Variants in SLCO1B3 observed in about 807,000 individuals in gnomAD.
SLCO1B3 encodes the protein solute carrier organic anion transporter family member 1B3.
In SLCO1B3, 72 loss-of-function variants were observed where a neutral mutation model predicts 71.8. The ratio of observed to expected loss-of-function variants is 1.00; its 90% CI spans 0.83 to 1.22. SLCO1B3 has a LOEUF of 1.22. SLCO1B3 is among the 50% of genes most tolerant of loss of function. The probability of loss-of-function intolerance (pLI) is 0.00; values close to 1 mark genes in which losing one functional copy is unlikely to be tolerated. For synonymous variants in SLCO1B3, 298 were observed against 278.4 expected (o/e 1.07, Z -0.70); for missense variants, 911 against 819.7 (o/e 1.11, Z -1.36).
chr12:20,876,795 A>G (rs1865588496), intron 9 of SLCO1B3, among the ~76,000 whole-genome samples: 1 of 152,034 alleles, frequency 6.6e-6, no homozygotes, highest in Non-Finnish European at 1.5e-5. Flanking sequence ...TATTTTGTCT[A>G]TGCTATGTTT....
chr12:20,816,730 G>A (rs565418158), intron 3 of SLCO1B3, among the ~76,000 whole-genome samples: 2 of 152,280 alleles, frequency 1.3e-5, no homozygotes, highest in Admixed American at 6.5e-5. Flanking sequence ...GGGATTGCTG[G>A]ATCACGTGGT....
chr12:20,854,265 GGTT>G (rs1050014759), intron 3 of SLCO1B3, among the ~76,000 whole-genome samples: 7 of 151,718 alleles, frequency 4.6e-5, no homozygotes, highest in African/African-American at 1.7e-4. Flanking sequence ...TAGTCTCCCT[GGTT>G]GTTCTGTATA....
chr12:20,815,800 C>T lies in SLCO1B3; in HGVS notation c.62C>T (p.Thr21Ile). 3 of 1,593,192 alleles carry T rather than the reference C, an allele frequency of 1.9e-6. No homozygotes were observed. The highest frequency in any genetic ancestry group is 2.6e-6 in the Non-Finnish European group (3 of 1,168,024). ...TCAGCATCTTCAGAGAAAAAGAAAA[C>T]AAGACGCTGCAATGGATTCAAGGTA... The part of the protein sequence containing the change: ...AESASSEKKK[T>I]RRCNGFKMFL... The change falls in exon 3 of 16, where the codon ACA becomes ATA. Residue 21 changes from threonine to isoleucine, a missense_variant. Thr to Ile is a moderately conservative substitution (Grantham distance 89). Coordinates refer to ENST00000381545, the MANE Select transcript of SLCO1B3 (RefSeq NM_019844.4).
At chr12:20,871,769 A>C (rs1205685744) in intron 8 of SLCO1B3, among the ~76,000 whole-genome samples, 1 of 152,118 alleles carries the variant, frequency 6.6e-6, no homozygotes, top group Non-Finnish European at 1.5e-5. Context: ...CTGGGGGTTC[A>C]CTGATGCAAG....
chr12:20,826,730 C>G (rs949869942), intron 3 of SLCO1B3, among the ~76,000 whole-genome samples: 1 of 151,414 alleles, frequency 6.6e-6, no homozygotes, highest in Non-Finnish European at 1.5e-5. Context: ...AAATTATTTT[C>G]CCTTCAGCTT....
At chr12:20,914,017 G>GC (rs988500915) in intron 15 of SLCO1B3, among the ~76,000 whole-genome samples, 2 of 151,994 alleles carry the variant, frequency 1.3e-5, no homozygotes, top group African/African-American at 2.4e-5. Context: ...TCCCATCTTG[G>GC]CCCCCCAGAG....
intron 15 of SLCO1B3, chr12:20,901,838 G>T (rs1866139396): frequency 2.4e-6 from 1 of 415,200 alleles, no homozygotes; most frequent in Non-Finnish European, 4.7e-6. Context: ...CTGCAGCTCT[G>T]GTTATATGGT....
rs187134788 is a variant in SLCO1B3, at chr12:20,867,204, C to T, written c.727+4350C>T. Among the ~76,000 whole-genome samples the T allele has an allele frequency of 1.8e-3, 277 of 152,006 alleles. 2 individuals are homozygous for T. Among genetic ancestry groups the T allele is most frequent in the African/African-American group, 6.4e-3 (266 of 41,478 alleles). On this transcript the variant is annotated intron_variant, in intron 8 of 15. Transcript: ENST00000381545. ...ATTTAAGGCTCATTATACATGTTAC[C>T]CTATAGAAAGGATTGTAAATACTGT...
intron 11 of SLCO1B3, 60 bp downstream of exon 11, chr12:20,879,691 G>A: frequency 5.3e-6 from 6 of 1,126,370 alleles, no homozygotes; most frequent in Admixed American, 2.7e-5. Context: ...AAAAGATTAT[G>A]TGCAAGTAAA....
chr12:20,858,376 T>G (rs4149116), intron 4 of SLCO1B3, 63 bp from the exon 5 acceptor site: 8 of 1,213,508 alleles, frequency 6.6e-6, no homozygotes, highest in Non-Finnish European at 9.5e-6. Flanking sequence ...ATTTGGGGCA[T>G]TCAGTTCTAC....
intron 3 of SLCO1B3, among the ~76,000 whole-genome samples, chr12:20,838,748 T>G (rs1325750874): frequency 1.3e-5 from 2 of 152,130 alleles, no homozygotes; most frequent in Non-Finnish European, 2.9e-5. Flanking sequence ...GGGACCACTA[T>G]CATATATGCA....
intron 13 of SLCO1B3, among the ~76,000 whole-genome samples, chr12:20,895,581 C>G (rs756575956): frequency 7.9e-5 from 12 of 152,128 alleles, no homozygotes; most frequent in Non-Finnish European, 1.8e-4. Context: ...TTGGGCAGCT[C>G]TATCCCTGTG....
rs779041069 is a variant in SLCO1B3, at chr12:20,862,824, A to C, written c.697A>C (p.Met233Leu). 2.1e-5 allele frequency: 33 copies of C among 1,607,078 alleles called. No homozygotes were observed. The highest frequency in any genetic ancestry group is 2.7e-5 in the Non-Finnish European group (32 of 1,173,758). The part of the protein sequence containing the change: ...GFALGSLFAK[M>L]YVDIGYVDLS... ...TGCACTGGGATCTCTGTTTGCTAAA[A>C]TGTACGTGGATATTGGATATGTAGA... is the stretch of plus-strand genomic sequence containing the variant. The change falls in exon 8 of 16, where the codon ATG (methionine) becomes CTG (leucine). Residue 233 changes from methionine to leucine, a missense_variant. Transcript: ENST00000381545.
chr12:20,822,383 G>T (rs962073089), intron 3 of SLCO1B3, among the ~76,000 whole-genome samples: 22 of 152,222 alleles, frequency 1.4e-4, no homozygotes, highest in Admixed American at 5.9e-4. Flanking sequence ...GGGCAGGGGC[G>T]GGGGTCACAA....
chr12:20,843,607 C>T (rs556374198), intron 3 of SLCO1B3, among the ~76,000 whole-genome samples: 4 of 151,904 alleles, frequency 2.6e-5, no homozygotes, highest in East Asian at 1.9e-4. Flanking sequence ...GGTGAAACCC[C>T]GTCTCTACTA....
Position 20,860,874 on chromosome 12 carries a change from A to G in SLCO1B3, c.360-143A>G, listed in dbSNP as rs1263600065. ...CCTCTCATCACCTGTTCTGAAATAC[A>G]TGCTGGGAAGTTGACAAACAAGATT... is the stretch of plus-strand genomic sequence containing the variant. On this transcript the variant is annotated intron_variant, in intron 5 of 15. Coordinates refer to ENST00000381545, the MANE Select transcript of SLCO1B3 (RefSeq NM_019844.4). The G allele has an allele frequency of 4.9e-6, 4 of 819,716 alleles. 1 individual carries two copies. The highest frequency in any genetic ancestry group is 7.5e-6 in the Non-Finnish European group (4 of 534,240). 50.8% of individuals were successfully genotyped at this position (819,716 alleles called of 1,614,324 possible).
chr12:20,814,697 T>C (rs906193162), intron 2 of SLCO1B3, among the ~76,000 whole-genome samples: 1 of 152,112 alleles, frequency 6.6e-6, no homozygotes, highest in African/African-American at 2.4e-5. Flanking sequence ...GAGACCATGC[T>C]GGCTAACACG....
chr12:20,863,182 T>A (rs964005654), intron 8 of SLCO1B3, among the ~76,000 whole-genome samples: 1 of 152,182 alleles, frequency 6.6e-6, no homozygotes. Context: ...GTGACTTGGA[T>A]GTTGATGTGT....
At chr12:20,904,516 T>G (rs1866195712) in intron 15 of SLCO1B3, among the ~76,000 whole-genome samples, 1 of 152,048 alleles carries the variant, frequency 6.6e-6, no homozygotes, top group Non-Finnish European at 1.5e-5. Context: ...CCATGGCTGC[T>G]TTCATGGGCT....
Sources: allele counts gnomAD v4.1 joint callset (sites outside exome capture counted in the v4.1 genomes callset), GRCh38; gene constraint gnomAD v4.1.1; transcripts MANE v1.5; gene names NCBI Gene and HGNC (gene_info 2026-07-23, HGNC 2026-07-21).